The following AKAP19 variants were observed in gnomAD, a reference collection of about 807,000 sequenced individuals.
AKAP19 encodes the protein A-kinase anchoring protein 19.
the AKAP19 span, among the ~76,000 whole-genome samples, chr2:189,893,887 A>G: frequency 4.6e-5 from 7 of 152,224 alleles, no homozygotes; most frequent in Non-Finnish European, 4.4e-5. Context: ...GGCATCCACT[A>G]TGTGGATTGG....
At chr2:189,966,457 G>A in the AKAP19 span, among the ~76,000 whole-genome samples, 1 of 152,178 alleles carries the variant, frequency 6.6e-6, no homozygotes, top group African/African-American at 2.4e-5. Context: ...AATGAGATAT[G>A]CCTGAATATA....
chr2:190,006,092 C>T, the AKAP19 span, among the ~76,000 whole-genome samples: 1 of 152,160 alleles, frequency 6.6e-6, no homozygotes, highest in Non-Finnish European at 1.5e-5. Context: ...TCATTACATC[C>T]AGTGAGAAGG....
the AKAP19 span, among the ~76,000 whole-genome samples, chr2:190,096,242 A>T: frequency 6.6e-6 from 1 of 152,218 alleles, no homozygotes; most frequent in African/African-American, 2.4e-5. Context: ...GCCCAACCTA[A>T]CAAGAGAAAC....
chr2:190,027,403 T>A, the AKAP19 span, among the ~76,000 whole-genome samples: 1 of 152,236 alleles, frequency 6.6e-6, no homozygotes, highest in Admixed American at 6.5e-5. Flanking sequence ...GGAGTATGTG[T>A]AAATATGGCC....
chr2:190,121,332 T>G, the AKAP19 span, among the ~76,000 whole-genome samples: 3 of 152,052 alleles, frequency 2.0e-5, no homozygotes, highest in African/African-American at 7.2e-5. Flanking sequence ...AGGCTGGTCA[T>G]AAACACCTGG....
the AKAP19 span, among the ~76,000 whole-genome samples, chr2:189,959,003 C>T: frequency 6.6e-6 from 1 of 151,780 alleles, no homozygotes; most frequent in Admixed American, 6.6e-5. Context: ...AAGTGGTGAC[C>T]GCTAAGGGAC....
chr2:189,883,550 C>CCTT, the AKAP19 span, among the ~76,000 whole-genome samples: 11 of 141,376 alleles, frequency 7.8e-5, no homozygotes, highest in East Asian at 2.3e-3. Flanking sequence ...TTTGGAACAA[C>CCTT]CTTTTTCCCC....
the AKAP19 span, among the ~76,000 whole-genome samples, chr2:189,946,790 G>A: frequency 5.3e-5 from 8 of 152,082 alleles, no homozygotes; most frequent in East Asian, 7.7e-4. Flanking sequence ...CTTTGGTTTT[G>A]CATTTCATAC....
At chr2:190,068,881 G>T in the AKAP19 span, among the ~76,000 whole-genome samples, 1 of 152,126 alleles carries the variant, frequency 6.6e-6, no homozygotes, top group African/African-American at 2.4e-5. Flanking sequence ...TAGTTCTCCA[G>T]TGGAGCACTG....
chr2:190,016,534 C>A, the AKAP19 span, among the ~76,000 whole-genome samples: 1 of 152,190 alleles, frequency 6.6e-6, no homozygotes, highest in Non-Finnish European at 1.5e-5. Flanking sequence ...GATGGGGACA[C>A]AAAGCCTAAT....
the AKAP19 span, chr2:190,202,235 C>T: frequency 6.0e-6 from 1 of 166,970 alleles, no homozygotes; most frequent in African/African-American, 2.4e-5. Flanking sequence ...CTTTTATCAC[C>T]AAGCACCACT....
At chr2:189,960,466 C>T in the AKAP19 span, among the ~76,000 whole-genome samples, 2 of 152,112 alleles carry the variant, frequency 1.3e-5, no homozygotes, top group South Asian at 4.1e-4. Context: ...GCTAATAGAG[C>T]TCCCTTGCCT....
chr2:189,977,562 A>T, the AKAP19 span, among the ~76,000 whole-genome samples: 2 of 152,228 alleles, frequency 1.3e-5, no homozygotes, highest in Non-Finnish European at 2.9e-5. Flanking sequence ...TATGCCTATT[A>T]GGCACCCAAA....
chr2:189,991,614 T>C, the AKAP19 span, among the ~76,000 whole-genome samples: 5 of 152,230 alleles, frequency 3.3e-5, no homozygotes, highest in African/African-American at 1.2e-4. Flanking sequence ...GTTGGAAGTA[T>C]AGTTTGTGAG....
the AKAP19 span, among the ~76,000 whole-genome samples, chr2:190,163,465 A>AC: frequency 6.6e-5 from 10 of 151,588 alleles, no homozygotes; most frequent in African/African-American, 1.9e-4. Context: ...CAAAAAAAAA[A>AC]AAAACTGAGT....
the AKAP19 span, among the ~76,000 whole-genome samples, chr2:190,115,280 TATATATATATATATATATATA>T: frequency 4.7e-3 from 28 of 5,998 alleles, no homozygotes; most frequent in African/African-American, 0.011. Flanking sequence ...TATATATATA[TATATATATATATATATATATA>T]TTTTTTTTTT....
At chr2:189,967,305 T>C in the AKAP19 span, among the ~76,000 whole-genome samples, 1 of 152,194 alleles carries the variant, frequency 6.6e-6, no homozygotes, top group African/African-American at 2.4e-5. Context: ...TAGGTTGTCA[T>C]TTTGAACTAT....
At chr2:189,915,276 T>G in the AKAP19 span, among the ~76,000 whole-genome samples, 1 of 152,310 alleles carries the variant, frequency 6.6e-6, no homozygotes, top group Non-Finnish European at 1.5e-5. Context: ...CCTTTGCTTC[T>G]TTGCCTCAAG....
At chr2:190,163,298 T>A in the AKAP19 span, among the ~76,000 whole-genome samples, 1 of 151,802 alleles carries the variant, frequency 6.6e-6, no homozygotes, top group Admixed American at 6.6e-5. Context: ...GCCGGGCGTG[T>A]TGGCGGGCGC....
Sources: gnomAD v4.1 joint callset for allele counts (sites outside exome capture counted in the v4.1 genomes callset) on GRCh38, gnomAD v4.1.1 for gene constraint, MANE v1.5 for transcripts, NCBI Gene and HGNC (gene_info 2026-07-23, HGNC 2026-07-21) for gene names.